The following PRIMPOL variants were observed in gnomAD, a reference collection of about 807,000 sequenced individuals.
PRIMPOL encodes the protein DNA-directed primase/polymerase protein.
In PRIMPOL, 54 loss-of-function variants were observed where a neutral mutation model predicts 63.6. That is an observed-to-expected ratio of 0.85 (90% CI 0.68 to 1.07). The LOEUF is 1.07. Ranked by LOEUF, PRIMPOL falls within the 50% of genes least tolerant of loss-of-function variation. The pLI is 0.00. For synonymous variants in PRIMPOL, 197 were observed against 220.2 expected, an observed-to-expected ratio of 0.89 and a Z score of 0.93; for missense variants, 610 against 648.3, an observed-to-expected ratio of 0.94 and a Z score of 0.64.
At chr4:184,686,585 A>G (rs1029823820) in intron 11 of PRIMPOL, among the ~76,000 whole-genome samples, 3 of 152,212 alleles carry the variant, frequency 2.0e-5, no homozygotes, top group African/African-American at 7.2e-5. Context: ...GAACTTTAAA[A>G]TATAAAAGGA....
chr4:184,655,803 C>T (rs1420815437), intron 2 of PRIMPOL, among the ~76,000 whole-genome samples: 1 of 152,132 alleles, frequency 6.6e-6, no homozygotes, highest in Non-Finnish European at 1.5e-5. Context: ...CATATTATTT[C>T]ACTTCAAAAA....
At chr4:184,687,739 C>T (rs1186365398) in intron 11 of PRIMPOL, among the ~76,000 whole-genome samples, 2 of 152,174 alleles carry the variant, frequency 1.3e-5, no homozygotes, top group African/African-American at 2.4e-5. Context: ...CTCAGCCTCC[C>T]GAGTAGCTGG....
chr4:184,691,285 C>A, intron 11 of PRIMPOL: 2 of 469,998 alleles, frequency 4.3e-6, no homozygotes, highest in South Asian at 7.7e-5. Flanking sequence ...CCTGGGGGAA[C>A]TTTCATCAGT....
chr4:184,687,890 A>G (rs1757408537), intron 11 of PRIMPOL, among the ~76,000 whole-genome samples: 1 of 152,250 alleles, frequency 6.6e-6, no homozygotes, highest in Non-Finnish European at 1.5e-5. Context: ...TGCTGGGATT[A>G]CAGGCATGAG....
rs190325114 is a variant in PRIMPOL at position 184,689,852 on chromosome 4, G to T, written c.1296-1647G>T. On this transcript the variant is annotated intron_variant, in intron 11 of 13. Coordinates refer to ENST00000314970, the MANE Select transcript of PRIMPOL (RefSeq NM_152683.4). ...GAATGAAGTCACATGTGAACTGCAG[G>T]CAAGGAGTTTTCAGATTGCTCAAGA... is the stretch of plus-strand genomic sequence containing the variant. 3.3e-4 allele frequency among the ~76,000 whole-genome samples: 50 copies of T among 152,340 alleles called. 1 individual carries two copies. The highest frequency in any genetic ancestry group is 8.8e-5 in the Non-Finnish European group (6 of 68,030).
intron 2 of PRIMPOL, among the ~76,000 whole-genome samples, chr4:184,656,714 A>G (rs1278395137): frequency 2.6e-5 from 4 of 152,204 alleles, no homozygotes; most frequent in Non-Finnish European, 5.9e-5. Context: ...TATAGTAAAA[A>G]CCACAGTGAT....
chr4:184,688,718 A>G (rs1165950057), intron 11 of PRIMPOL, among the ~76,000 whole-genome samples: 1 of 152,230 alleles, frequency 6.6e-6, no homozygotes, highest in African/African-American at 2.4e-5. Flanking sequence ...CTCATAATGC[A>G]TTGATTCTAG....
chr4:184,688,059 A>G (rs1485543079), intron 11 of PRIMPOL, among the ~76,000 whole-genome samples: 1 of 152,230 alleles, frequency 6.6e-6, no homozygotes, highest in Non-Finnish European at 1.5e-5. Context: ...TGCCATGTGT[A>G]TAAATATAAA....
At chr4:184,672,848 G>A (rs1752185870) in intron 7 of PRIMPOL, among the ~76,000 whole-genome samples, 1 of 152,166 alleles carries the variant, frequency 6.6e-6, no homozygotes, top group African/African-American at 2.4e-5. Flanking sequence ...GTGAGCCTGG[G>A]TGTTCTCCTC....
chr4:184,688,449 A>G (rs973085957), intron 11 of PRIMPOL, among the ~76,000 whole-genome samples: 4 of 152,240 alleles, frequency 2.6e-5, no homozygotes, highest in Admixed American at 6.5e-5. Context: ...AATTACATCC[A>G]CACAGATCAG....
intron 7 of PRIMPOL, 77 bp from the exon 8 acceptor site, chr4:184,678,155 A>G: frequency 2.2e-6 from 2 of 898,314 alleles, no homozygotes; most frequent in South Asian, 2.0e-5. Context: ...ATGCTATATA[A>G]AAACTTAATA....
intron 6 of PRIMPOL, among the ~76,000 whole-genome samples, chr4:184,669,309 A>G (rs1579413652): frequency 6.6e-6 from 1 of 152,334 alleles, no homozygotes. Context: ...GAGCTGGCAG[A>G]TGGCAAAGCC....
intron 3 of PRIMPOL, among the ~76,000 whole-genome samples, chr4:184,658,764 C>A (rs949036438): frequency 2.6e-5 from 4 of 151,906 alleles, no homozygotes; most frequent in Non-Finnish European, 5.9e-5. Flanking sequence ...AAAAATTAAT[C>A]GGGCGTGGTG....
chr4:184,669,451 C>T (rs914845266), intron 6 of PRIMPOL, among the ~76,000 whole-genome samples: 14 of 152,186 alleles, frequency 9.2e-5, no homozygotes, highest in Non-Finnish European at 1.8e-4. Flanking sequence ...GAGGGACTGC[C>T]GTCAGGGTGT....
chr4:184,665,016 C>A (rs944974462), intron 5 of PRIMPOL, among the ~76,000 whole-genome samples: 1 of 152,058 alleles, frequency 6.6e-6, no homozygotes, highest in Non-Finnish European at 1.5e-5. Context: ...CAGTTTATTG[C>A]GTAACTTTGA....
At chr4:184,650,774 C>A (rs1001673156) in intron 1 of PRIMPOL, among the ~76,000 whole-genome samples, 1 of 152,186 alleles carries the variant, frequency 6.6e-6, no homozygotes, top group Non-Finnish European at 1.5e-5. Context: ...GATTCAGGGA[C>A]CCCATGGCAG....
chr4:184,675,927 A>T (rs766503926), intron 7 of PRIMPOL, among the ~76,000 whole-genome samples: 2 of 152,116 alleles, frequency 1.3e-5, no homozygotes, highest in Non-Finnish European at 2.9e-5. Flanking sequence ...TTGCCTTTGT[A>T]CCCTTAGTTG....
chr4:184,694,698 T>G lies in PRIMPOL; in HGVS notation c.1602T>G (p.Ala534=). 2 of 1,613,820 alleles carry G rather than the reference T, an allele frequency of 1.2e-6. No individual in the cohort carries two copies. The highest frequency in any genetic ancestry group is 2.2e-5 in the South Asian group (2 of 91,082). The change falls in exon 14 of 14, where the codon GCT becomes GCG. Residue 534 remains alanine (A), a synonymous_variant. Coordinates refer to ENST00000314970, the MANE Select transcript of PRIMPOL (RefSeq NM_152683.4). ...CTGAAGATGCTGAATTAGCTGAAGC[T>G]GCAGAGAACAGTCTTCTCAGTTATA... ...EATEDAELAE[A]AENSLLSYNS... is the part of the protein sequence containing the mutation.
chr4:184,676,336 C>A (rs1202599220), intron 7 of PRIMPOL, among the ~76,000 whole-genome samples: 1 of 139,882 alleles, frequency 7.1e-6, no homozygotes, highest in Non-Finnish European at 1.6e-5. Context: ...CTTCCCTTCC[C>A]TTCCTTTCTC....
Sources: gnomAD v4.1 joint callset for allele counts (sites outside exome capture counted in the v4.1 genomes callset) on GRCh38, gnomAD v4.1.1 for gene constraint, MANE v1.5 for transcripts, NCBI Gene and HGNC (gene_info 2026-07-23, HGNC 2026-07-21) for gene names.